SNF8: variants seen among roughly 807,000 people sequenced by gnomAD.
The protein encoded by SNF8 is vacuolar-sorting protein SNF8.
A neutral mutation model predicts 36.8 loss-of-function variants in SNF8; 19 were observed. The ratio of observed to expected loss-of-function variants is 0.52; its 90% CI spans 0.36 to 0.76. The LOEUF is 0.76. Ranked by LOEUF, SNF8 falls within the 30% of genes least tolerant of loss-of-function variation. The pLI is 0.00. For synonymous variants in SNF8, 127 were observed against 127.4 expected (o/e 1.00, Z 0.02); for missense variants, 268 against 322.9 (o/e 0.83, Z 1.30).
intron 3 of SNF8, among the ~76,000 whole-genome samples, chr17:48,937,601 G>C (rs372587771): frequency 2.7e-5 from 4 of 149,060 alleles, no homozygotes; most frequent in South Asian, 4.3e-4. Context: ...CCATACTCCA[G>C]CCTGGGCAAT....
Position 48,930,472 on chromosome 17 carries a change from C to A in SNF8, c.*3G>T, listed in dbSNP as rs2040840744. 1.3e-6 allele frequency: 2 copies of A among 1,594,324 alleles called. No homozygotes were observed. The highest frequency in any genetic ancestry group is 4.5e-5 in the East Asian group (2 of 44,590). ...CTGCTGCTGTGTGCCCTTCCACATG[C>A]AGTCAGGGGAGGGCTTCTCTGGCCT... On this transcript the variant is annotated 3_prime_UTR_variant, in exon 8 of 8. Coordinates refer to ENST00000502492, the MANE Select transcript of SNF8 (RefSeq NM_007241.4).
intron 1 of SNF8, chr17:48,944,285 G>A: frequency 2.2e-6 from 1 of 460,398 alleles, no homozygotes; most frequent in East Asian, 4.3e-5. Context: ...CTGGGCGACA[G>A]AGCAAGACTC....
intron 3 of SNF8, chr17:48,937,390 C>A: frequency 1.7e-6 from 1 of 575,896 alleles, no homozygotes; most frequent in South Asian, 1.6e-5. Context: ...CACTTTGGGA[C>A]ATCGAGCTAG....
At chr17:48,943,848 T>C in intron 2 of SNF8, 77 bp downstream of exon 2, 1 of 1,302,516 alleles carries the variant, frequency 7.7e-7, no homozygotes, top group Non-Finnish European at 1.1e-6. Context: ...ATCTACACAA[T>C]CAAGTTCGTA....
chr17:48,937,093 G>A lies in SNF8; in HGVS notation c.276C>T (p.Gly92=), dbSNP rs773406269. 9 of 1,613,982 alleles carry A rather than the reference G, an allele frequency of 5.6e-6. No homozygotes were observed. Among genetic ancestry groups the A allele is most frequent in the African/African-American group, 5.3e-5 (4 of 75,018 alleles). ...SGKGFWSEML[G]VGDFYYELGV... is the part of the protein sequence containing the mutation. ...CTAGTTCGTAATAGAAGTCCCCCAC[G>A]CCCAGCATCTCAGACCAAAATCCTT... is the stretch of plus-strand genomic sequence containing the variant. The change falls in exon 4 of 8, where the codon GGC becomes GGT. Residue 92 remains glycine (G), a synonymous_variant. Coordinates refer to ENST00000502492, the MANE Select transcript of SNF8 (RefSeq NM_007241.4).
chr17:48,930,376 G>A lies in SNF8; in HGVS notation c.*99C>T, dbSNP rs2040839041. 4 of 1,283,900 alleles carry A rather than the reference G, an allele frequency of 3.1e-6. No homozygotes were observed. Among genetic ancestry groups the A allele is most frequent in the Non-Finnish European group, 4.1e-6 (4 of 984,496 alleles). 79.5% of individuals were successfully genotyped at this position (1,283,900 alleles called of 1,614,324 possible). On this transcript the variant is annotated 3_prime_UTR_variant, in exon 8 of 8. Transcript: ENST00000502492. ...AGAATGAGGGAAGAAAGAAAAACTT[G>A]GAACTTTTTTTCTATTTTTTGTATA...
At chr17:48,936,955 C>T in intron 4 of SNF8, 65 bp downstream of exon 4, 1 of 1,198,302 alleles carries the variant, frequency 8.3e-7, no homozygotes, top group Non-Finnish European at 1.2e-6. Context: ...AAACGATAAT[C>T]TTTTACGGTT....
Position 48,933,207 on chromosome 17 carries a change from C to G in SNF8, c.562G>C (p.Glu188Gln). 1 of 1,613,372 alleles carries G rather than the reference C, an allele frequency of 6.2e-7. No homozygotes were observed. The highest frequency in any genetic ancestry group is 8.5e-7 in the Non-Finnish European group (1 of 1,179,984). ...MDHTVVLQLA[E>Q]KNGYVTVSEI... ...CACACTCGAAGGTGCACCAGTACCT[C>G]TGCCAGCTGCAGCACCACGGTGTGA... The change falls in exon 6 of 8, where the codon GAG becomes CAG. Residue 188 changes from glutamate to glutamine, a missense_variant and splice_region_variant. Coordinates refer to ENST00000502492, the MANE Select transcript of SNF8 (RefSeq NM_007241.4).
At chr17:48,939,135 A>G (rs1031651696) in intron 3 of SNF8, among the ~76,000 whole-genome samples, 5 of 151,532 alleles carry the variant, frequency 3.3e-5, no homozygotes, top group Admixed American at 2.0e-4. Flanking sequence ...GCACATGCCT[A>G]TAGTCCCAGC....
At position 48,930,376 on chromosome 17, in the gene SNF8, G is replaced by T; in HGVS notation, c.*99C>A. The T allele has an allele frequency of 1.6e-6, 2 of 1,283,896 alleles. No homozygotes were observed. Among genetic ancestry groups the T allele is most frequent in the Non-Finnish European group, 2.0e-6 (2 of 984,492 alleles). The allele number at this position is 1,283,896 out of a possible 1,614,324, so 79.5% of individuals were successfully genotyped here. A position where few individuals can be genotyped will look rare whatever the true frequency, so the allele number is the denominator to read the frequency against. On this transcript the variant is annotated 3_prime_UTR_variant, in exon 8 of 8. Transcript: ENST00000502492. ...AGAATGAGGGAAGAAAGAAAAACTTGGAACTTTTTTTCTATTTTTTGTATA... is the reference window on the plus strand; with the variant it reads ...AGAATGAGGGAAGAAAGAAAAACTTTGAACTTTTTTTCTATTTTTTGTATA...
rs1421922575 is a variant in SNF8 at position 48,937,060 on chromosome 17, T to C, written c.309A>G (p.Gln103=). Residue 103 remains glutamine (Q), a synonymous_variant, in exon 4 of 8, where the codon CAA becomes CAG. Coordinates refer to ENST00000502492, the MANE Select transcript of SNF8 (RefSeq NM_007241.4). The part of the protein sequence containing the change: ...VGDFYYELGV[Q]IIEVCLALKH... ...TCAGCGCCAGGCACACTTCGATAAT[T>C]TGGACACCTAGTTCGTAATAGAAGT... 6.2e-7 allele frequency: 1 copy of C among 1,614,142 alleles called. No homozygotes were observed. The highest frequency in any genetic ancestry group is 8.5e-7 in the Non-Finnish European group (1 of 1,180,016).
At position 48,930,456 on chromosome 17, in the gene SNF8, T is replaced by A. The variant is rs780644670; in HGVS notation, c.*19A>T. ...TCCGCCTCCTCCCTGCCTGCTGCTG[T>A]GTGCCCTTCCACATGCAGTCAGGGG... On this transcript the variant is annotated 3_prime_UTR_variant, in exon 8 of 8. Transcript: ENST00000502492. 22 of 1,570,260 alleles carry A rather than the reference T, an allele frequency of 1.4e-5. 1 individual carries two copies. In the South Asian group the frequency reaches 2.3e-4, roughly 17 times the overall value.
intron 2 of SNF8, among the ~76,000 whole-genome samples, chr17:48,942,085 G>T (rs2041037245): frequency 1.3e-5 from 2 of 152,036 alleles, no homozygotes; most frequent in Admixed American, 6.6e-5. Context: ...ACTGCTCTGG[G>T]ACTGTAATTT....
At chr17:48,933,382 A>C in intron 5 of SNF8, 36 bp from the exon 6 acceptor site, 1 of 1,613,262 alleles carries the variant, frequency 6.2e-7, no homozygotes, top group Non-Finnish European at 8.5e-7. Context: ...GACCCTTGGC[A>C]GAATCAGACC....
intron 5 of SNF8, among the ~76,000 whole-genome samples, chr17:48,934,896 T>C (rs1324186262): frequency 6.6e-6 from 1 of 152,138 alleles, no homozygotes; most frequent in Non-Finnish European, 1.5e-5. Context: ...CAAGATCTCA[T>C]AGTAGGCTGA....
Position 48,940,819 on chromosome 17 carries a change from C to A in SNF8, c.244+105G>T, listed in dbSNP as rs928480904. ...AGACAGCATCCTCTGGGTCTTCCTG[C>A]AGGCCTTTCTAGTGGATGCCCCAAC... On this transcript the variant is annotated intron_variant, in intron 3 of 7. Coordinates refer to ENST00000502492, the MANE Select transcript of SNF8 (RefSeq NM_007241.4). 4 of 1,318,778 alleles carry A rather than the reference C, an allele frequency of 3.0e-6. No homozygotes were observed. The African/African-American group carries it at 5.9e-5, about 19-fold the overall frequency. The allele number at this position is 1,318,778 out of a possible 1,614,324, so 81.7% of individuals were successfully genotyped here. A position where few individuals can be genotyped will look rare whatever the true frequency, so the allele number is the denominator to read the frequency against.
At chr17:48,933,579 TA>T in intron 5 of SNF8, 2 of 481,058 alleles carry the variant, frequency 4.2e-6, no homozygotes, top group South Asian at 2.9e-5. Flanking sequence ...TTATCTTTAC[TA>T]AAAATAAAAA....
At position 48,933,259 on chromosome 17, in the gene SNF8, C is replaced by A; in HGVS notation, c.510G>T (p.Gln170His). Residue 170 changes from glutamine (Q) to histidine (H), a missense_variant, in exon 6 of 8, where the codon CAG becomes CAT. Transcript: ENST00000502492. ...CCATATTGAGCTCAGCTGGAACAGA[C>A]TGAATGAGGTAAGTGCCGCCCACAG... is the stretch of plus-strand genomic sequence containing the variant. ...IIPVGGTYLI[Q>H]SVPAELNMDH... 1 of 1,614,132 alleles carries A rather than the reference C, an allele frequency of 6.2e-7. No homozygotes were observed. Among genetic ancestry groups the A allele is most frequent in the Non-Finnish European group, 8.5e-7 (1 of 1,180,036 alleles).
chr17:48,942,131 G>C (rs983118581), intron 2 of SNF8, among the ~76,000 whole-genome samples: 2 of 151,958 alleles, frequency 1.3e-5, no homozygotes, highest in Non-Finnish European at 2.9e-5. Flanking sequence ...CAAAAGACTT[G>C]GGGATTTTCT....
Sources: gnomAD v4.1 joint callset for allele counts (sites outside exome capture counted in the v4.1 genomes callset) on GRCh38, gnomAD v4.1.1 for gene constraint, MANE v1.5 for transcripts, NCBI Gene and HGNC (gene_info 2026-07-23, HGNC 2026-07-21) for gene names.